Variants in GUCY1A2 observed in about 807,000 individuals in gnomAD.
GUCY1A2 encodes guanylate cyclase 1 soluble subunit alpha 2.
A neutral mutation model predicts 63.5 loss-of-function variants in GUCY1A2; 27 were observed. That is an observed-to-expected ratio of 0.43 (90% confidence interval 0.31 to 0.59). The LOEUF is 0.59. GUCY1A2 is among the 20% of genes least tolerant of loss of function. GUCY1A2 has a pLI of 0.11. For synonymous variants in GUCY1A2, 364 were observed against 343.5 expected (o/e 1.06, Z -0.66); for missense variants, 768 against 913.3 (o/e 0.84, Z 2.05).
At chr11:106,826,055 A>T (rs897790988) in intron 4 of GUCY1A2, among the ~76,000 whole-genome samples, 2 of 152,220 alleles carry the variant, frequency 1.3e-5, no homozygotes, top group African/African-American at 4.8e-5. Context: ...AATGGTTCTA[A>T]TCTACTAGAG....
chr11:106,756,675 C>T (rs564147049), intron 6 of GUCY1A2, among the ~76,000 whole-genome samples: 1 of 152,308 alleles, frequency 6.6e-6, no homozygotes, highest in South Asian at 2.1e-4. Flanking sequence ...AATATTAGCT[C>T]CCACTCTCTT....
intron 4 of GUCY1A2, among the ~76,000 whole-genome samples, chr11:106,931,621 T>TA (rs34839319): frequency 0.84 from 127,961 of 151,886 alleles, 54,301 homozygotes; most frequent in East Asian, 1. Flanking sequence ...AAACAAACCG[T>TA]GTGGTATCTA....
intron 1 of GUCY1A2, among the ~76,000 whole-genome samples, chr11:107,003,772 A>C (rs1861637995): frequency 6.6e-6 from 1 of 152,180 alleles, no homozygotes. Flanking sequence ...ACAATTCTCA[A>C]ACTCACCATC....
intron 5 of GUCY1A2, among the ~76,000 whole-genome samples, chr11:106,783,018 C>T (rs1487747576): frequency 6.6e-6 from 1 of 152,124 alleles, no homozygotes; most frequent in East Asian, 1.9e-4. Flanking sequence ...CCATGGAACG[C>T]CCATGGGACA....
chr11:106,759,807 C>T (rs940846758), intron 6 of GUCY1A2, among the ~76,000 whole-genome samples: 2 of 152,146 alleles, frequency 1.3e-5, no homozygotes, highest in African/African-American at 2.4e-5. Context: ...TTGGGGCAGG[C>T]GTCTGTAATC....
chr11:106,838,528 T>G (rs1591297087), intron 4 of GUCY1A2, among the ~76,000 whole-genome samples: 2 of 152,064 alleles, frequency 1.3e-5, no homozygotes, highest in East Asian at 3.9e-4. Flanking sequence ...ACAAACAAAT[T>G]TTCATCTTTA....
chr11:106,702,601 G>T (rs1378703497), intron 7 of GUCY1A2, among the ~76,000 whole-genome samples: 3 of 151,956 alleles, frequency 2.0e-5, no homozygotes, highest in African/African-American at 7.3e-5. Flanking sequence ...CTGTCTTCAG[G>T]AATCTATATC....
intron 4 of GUCY1A2, chr11:106,825,022 G>A: frequency 3.3e-6 from 5 of 1,530,046 alleles, no homozygotes; most frequent in Non-Finnish European, 4.5e-6. Context: ...TATTTTTGTA[G>A]TTAGACAATA....
In GUCY1A2 at chr11:106,939,548, G is replaced by A. The variant is rs776021630; in HGVS notation, c.1118C>T (p.Ala373Val). Reference protein sequence around the residue: ...CFEIVSPKVNATFERVLLRLS... With the variant: ...CFEIVSPKVNVTFERVLLRLS... The stretch of plus-strand genomic sequence containing the variant: ...TCGCAGCAGGACCCTTTCAAAGGTG[G>A]CATTAACCTTTGGAGATACAATCTC... Residue 373 changes from alanine (A) to valine (V), a missense_variant, in exon 4 of 8, where the codon GCC (alanine) becomes GTC (valine). Physicochemically the swap from Ala to Val is moderately conservative, Grantham distance 64. Around this residue, in one of 3 missense-constraint regions of GUCY1A2, gnomAD observed 496 missense variants for 486.9 expected, o/e 1.02. Transcript: ENST00000526355. 1 of 1,612,894 alleles carries A rather than the reference G, an allele frequency of 6.2e-7. No homozygotes were observed. The highest frequency in any genetic ancestry group is 1.7e-5 in the Admixed American group (1 of 60,018).
In GUCY1A2 at chr11:106,685,288, G is replaced by A; in HGVS notation, c.*2261C>T. 9.7e-6 allele frequency: 2 copies of A among 206,072 alleles called. No individual in the cohort carries two copies. Among genetic ancestry groups the A allele is most frequent in the Middle Eastern group, 3.1e-3 (2 of 644 alleles). 12.8% of individuals were successfully genotyped at this position (206,072 alleles called of 1,614,324 possible). A position where few individuals can be genotyped will look rare whatever the true frequency, so the allele number is the denominator to read the frequency against. ...ATTTGTGATTCTTCTGATAAATTGA[G>A]ATATATAAATACAATACTTCTCTCC... On this transcript the variant is annotated 3_prime_UTR_variant, in exon 8 of 8. Transcript: ENST00000526355.
chr11:106,677,073 T>C lies in GUCY1A2; in HGVS notation c.*10476A>G, dbSNP rs12273156. On this transcript the variant is annotated 3_prime_UTR_variant, in exon 8 of 8. Transcript: ENST00000526355. ...CCCCTTTTCTCACAAATCCACAAAG[T>C]GTTCAATCATGTGAAAGTGAAAAAG... 4,072 of 213,274 alleles carry C rather than the reference T, an allele frequency of 0.019. 168 individuals are homozygous for C. Among genetic ancestry groups the C allele is most frequent in the African/African-American group, 0.084 (3,702 of 44,236 alleles). The allele number at this position is 213,274 out of a possible 1,614,324, so 13.2% of individuals were successfully genotyped here. A position where few individuals can be genotyped will look rare whatever the true frequency, so the allele number is the denominator to read the frequency against.
chr11:106,775,625 G>A (rs1030318521), intron 6 of GUCY1A2, among the ~76,000 whole-genome samples: 1 of 151,892 alleles, frequency 6.6e-6, no homozygotes, highest in African/African-American at 2.4e-5. Context: ...GGATTGTTCA[G>A]TGTCCCCAAT....
intron 6 of GUCY1A2, among the ~76,000 whole-genome samples, chr11:106,729,903 A>C (rs1185852736): frequency 6.6e-6 from 1 of 151,370 alleles, no homozygotes; most frequent in African/African-American, 2.4e-5. Flanking sequence ...GTCTATGTAC[A>C]TTTCTAACCC....
chr11:106,763,140 A>T (rs1199109277), intron 6 of GUCY1A2, among the ~76,000 whole-genome samples: 1 of 152,112 alleles, frequency 6.6e-6, no homozygotes, highest in East Asian at 1.9e-4. Flanking sequence ...ATATTTGGAA[A>T]ATGTGAACAG....
intron 1 of GUCY1A2, among the ~76,000 whole-genome samples, chr11:107,011,783 A>T (rs1421824754): frequency 6.6e-6 from 1 of 150,570 alleles, no homozygotes; most frequent in Non-Finnish European, 1.5e-5. Context: ...TTCAAAAAAA[A>T]AAAGAAAAAG....
At chr11:106,785,379 G>A (rs1213495773) in intron 5 of GUCY1A2, among the ~76,000 whole-genome samples, 1 of 151,940 alleles carries the variant, frequency 6.6e-6, no homozygotes, top group Non-Finnish European at 1.5e-5. Context: ...CCTGATTTCT[G>A]GATCTGTAAT....
intron 4 of GUCY1A2, among the ~76,000 whole-genome samples, chr11:106,902,271 T>C (rs1056412836): frequency 3.9e-5 from 6 of 152,218 alleles, no homozygotes; most frequent in East Asian, 1.9e-4. Context: ...CAGTAAACCA[T>C]GCTGTAAGCA....
intron 7 of GUCY1A2, among the ~76,000 whole-genome samples, chr11:106,698,406 G>A (rs567891943): frequency 2.0e-5 from 3 of 151,848 alleles, no homozygotes; most frequent in Non-Finnish European, 4.4e-5. Context: ...GCAGGCATGA[G>A]CCACTGTGCC....
intron 4 of GUCY1A2, among the ~76,000 whole-genome samples, chr11:106,813,650 G>A (rs1158118472): frequency 6.6e-6 from 1 of 151,968 alleles, no homozygotes; most frequent in Non-Finnish European, 1.5e-5. Flanking sequence ...TTGAAAAGAA[G>A]GATTTGGAAG....
Sources: allele counts gnomAD v4.1 joint callset (sites outside exome capture counted in the v4.1 genomes callset), GRCh38; gene constraint gnomAD v4.1.1; regional missense constraint gnomAD v4.1.1; transcripts MANE v1.5; gene names NCBI Gene and HGNC (gene_info 2026-07-23, HGNC 2026-07-21).